Variants in IL23R observed in about 807,000 individuals in gnomAD.
IL23R encodes interleukin-23 receptor.
In IL23R, 34 loss-of-function variants were observed where a neutral mutation model predicts 56.9. That is an observed-to-expected ratio of 0.60 (90% CI 0.45 to 0.80). IL23R has a LOEUF of 0.80. Among genes scored for constraint, IL23R ranks in the 30% least tolerant of loss-of-function variants. IL23R has a pLI of 0.00. For missense variants in IL23R, 635 were observed against 730.0 expected (o/e 0.87, Z 1.50); for synonymous variants, 230 against 249.2 (o/e 0.92, Z 0.73).
At chr1:67,149,691 C>T (rs1218618706) in intron 1 of IL23R, among the ~76,000 whole-genome samples, 1 of 152,124 alleles carries the variant, frequency 6.6e-6, no homozygotes, top group Non-Finnish European at 1.5e-5. Context: ...CTACTTTATA[C>T]TGGAGGTTCA....
At chr1:67,222,422 A>G (rs2100244147) in intron 7 of IL23R, among the ~76,000 whole-genome samples, 1 of 152,182 alleles carries the variant, frequency 6.6e-6, no homozygotes, top group East Asian at 1.9e-4. Flanking sequence ...CAGCCAGGGA[A>G]TTATTTTCAG....
At chr1:67,181,820 G>C (rs1046918311) in intron 3 of IL23R, among the ~76,000 whole-genome samples, 1 of 152,166 alleles carries the variant, frequency 6.6e-6, no homozygotes, top group Non-Finnish European at 1.5e-5. Flanking sequence ...TGGTGTGGAT[G>C]TCCTTTCTGT....
intron 1 of IL23R, among the ~76,000 whole-genome samples, chr1:67,154,685 T>G (rs1232576612): frequency 2.6e-5 from 4 of 152,212 alleles, no homozygotes; most frequent in Admixed American, 2.6e-4. Context: ...AATGTGTCTT[T>G]GCATGTGAGA....
chr1:67,230,928 T>G (rs1171459004), intron 7 of IL23R, among the ~76,000 whole-genome samples: 1 of 152,140 alleles, frequency 6.6e-6, no homozygotes, highest in Non-Finnish European at 1.5e-5. Context: ...ACTTAAGTGC[T>G]GTGAAACAGC....
intron 4 of IL23R, among the ~76,000 whole-genome samples, chr1:67,192,250 G>A (rs1183993050): frequency 6.6e-6 from 1 of 152,190 alleles, no homozygotes; most frequent in East Asian, 1.9e-4. Context: ...CTGGATTACT[G>A]CAGTCCTAAA....
chr1:67,141,883 C>T (rs1014990985), intron 1 of IL23R, among the ~76,000 whole-genome samples: 5 of 151,738 alleles, frequency 3.3e-5, no homozygotes, highest in African/African-American at 7.3e-5. Context: ...TTAAGCATTT[C>T]GTGGGGCAGG....
At chr1:67,203,809 T>C (rs1209018541) in intron 5 of IL23R, among the ~76,000 whole-genome samples, 1 of 152,160 alleles carries the variant, frequency 6.6e-6, no homozygotes, top group East Asian at 1.9e-4. Flanking sequence ...TTATGCTGAA[T>C]GGCAGCGCAG....
At chr1:67,204,403 G>A (rs1648864002) in intron 5 of IL23R, among the ~76,000 whole-genome samples, 1 of 152,136 alleles carries the variant, frequency 6.6e-6, no homozygotes, top group East Asian at 1.9e-4. Context: ...TCTGAGTCTT[G>A]TGTAACAAAC....
At chr1:67,214,872 G>A (rs1649728880) in intron 6 of IL23R, among the ~76,000 whole-genome samples, 1 of 152,172 alleles carries the variant, frequency 6.6e-6, no homozygotes, top group African/African-American at 2.4e-5. Context: ...CCAGGACTGG[G>A]CCTGCCTGGC....
intron 7 of IL23R, among the ~76,000 whole-genome samples, chr1:67,234,842 G>A (rs565177067): frequency 6.6e-6 from 1 of 151,312 alleles, no homozygotes; most frequent in South Asian, 2.1e-4. Context: ...CGAGTAGCTG[G>A]GACTATAGGC....
intron 7 of IL23R, among the ~76,000 whole-genome samples, chr1:67,225,518 C>CT (rs34530155): frequency 0.2 from 29,333 of 145,478 alleles, 3,097 homozygotes; most frequent in Admixed American, 0.34. Context: ...TGCTTGGGCA[C>CT]TTTTTTTTTT....
At chr1:67,195,630 A>G (rs986045869) in intron 4 of IL23R, among the ~76,000 whole-genome samples, 14 of 152,016 alleles carry the variant, frequency 9.2e-5, no homozygotes, top group Non-Finnish European at 2.9e-5. Context: ...TAGTGATCTC[A>G]CGCTGGTATG....
At chr1:67,157,680 A>G (rs1202972398) in intron 1 of IL23R, among the ~76,000 whole-genome samples, 2 of 152,174 alleles carry the variant, frequency 1.3e-5, no homozygotes, top group Non-Finnish European at 2.9e-5. Context: ...CCTCGCTTCT[A>G]TTAGATCTTT....
chr1:67,201,554 A>C (rs1648634475), intron 5 of IL23R, among the ~76,000 whole-genome samples: 1 of 150,580 alleles, frequency 6.6e-6, no homozygotes, highest in Non-Finnish European at 1.5e-5. Flanking sequence ...GGGAAGGCAA[A>C]AAAAAAAAAA....
upstream of IL23R, among the ~76,000 whole-genome samples, chr1:67,164,274 T>C (rs1036836253): frequency 6.6e-6 from 1 of 152,266 alleles, no homozygotes; most frequent in South Asian, 2.1e-4. Context: ...GATGGGCAGA[T>C]CACTTGAGGT....
chr1:67,166,175 G>T (rs891898681), upstream of IL23R, among the ~76,000 whole-genome samples: 6 of 152,076 alleles, frequency 3.9e-5, no homozygotes, highest in African/African-American at 1.4e-4. Flanking sequence ...AAAACTAAGC[G>T]TCATATTTTT....
intron 1 of IL23R, chr1:67,139,216 C>T (rs1646611996): frequency 6.6e-6 from 1 of 152,046 alleles, no homozygotes; most frequent in African/African-American, 2.4e-5. Context: ...AGAAGTAAGC[C>T]TAGAGACTGA....
At chr1:67,240,857 A>C (rs1651799169) in intron 9 of IL23R, among the ~76,000 whole-genome samples, 1 of 152,230 alleles carries the variant, frequency 6.6e-6, no homozygotes, top group Non-Finnish European at 1.5e-5. Flanking sequence ...AAAAAGTGAC[A>C]CATAGAAATT....
intron 1 of IL23R, among the ~76,000 whole-genome samples, chr1:67,160,009 A>ATATT (rs967466707): frequency 5.9e-5 from 9 of 152,068 alleles, no homozygotes; most frequent in Admixed American, 5.9e-4. Context: ...TAAATTTTTA[A>ATATT]TATTTATTTA....
Sources: allele counts gnomAD v4.1 joint callset (sites outside exome capture counted in the v4.1 genomes callset), GRCh38; gene constraint gnomAD v4.1.1; transcripts MANE v1.5; gene names NCBI Gene and HGNC (gene_info 2026-07-23, HGNC 2026-07-21).